RIIAD1: variants seen among roughly 807,000 people sequenced by gnomAD.
RIIAD1 encodes RIIa domain-containing protein 1.
RIIAD1 carries 15 observed loss-of-function variants against 13.3 expected under a neutral mutation model. The observed-to-expected ratio is 1.13, with a 90% CI of 0.76 to 1.74. The LOEUF is 1.74. RIIAD1 is among the 40% of genes most tolerant of loss of function. RIIAD1 has a pLI of 0.00. For synonymous variants in RIIAD1, 50 were observed against 43.3 expected (o/e 1.16, Z -0.61); for missense variants, 121 against 112.2 (o/e 1.08, Z -0.35).
intron 3 of RIIAD1, chr1:151,728,315 G>A (rs1673868041): frequency 5.5e-6 from 1 of 182,632 alleles, no homozygotes; most frequent in African/African-American, 2.4e-5. Context: ...AGGCGTGATA[G>A]CTCAGAGACA....
intron 2 of RIIAD1, among the ~76,000 whole-genome samples, chr1:151,724,546 G>A (rs1673792867): frequency 6.6e-6 from 1 of 152,198 alleles, no homozygotes; most frequent in Non-Finnish European, 1.5e-5. Flanking sequence ...TACATTCCAA[G>A]CCAAAAGAAG....
In RIIAD1 at chr1:151,721,658, G is replaced by A. The variant is rs1673738130; in HGVS notation, c.84+38G>A. The A allele has an allele frequency of 3.3e-6, 4 of 1,219,436 alleles. No individual in the cohort carries two copies. In the African/African-American group the frequency reaches 4.7e-5, roughly 14 times the overall value. 75.5% of individuals were successfully genotyped at this position (1,219,436 alleles called of 1,614,324 possible). On this transcript the variant is annotated intron_variant, in intron 1 of 4. Transcript: ENST00000479191. Reference sequence around the variant, plus strand: ...GCGCCCCCATCCAGCGTCCACCAAAGTGTAGCTGCCCCAGGACTGGGGCCC... The same window carrying A: ...GCGCCCCCATCCAGCGTCCACCAAAATGTAGCTGCCCCAGGACTGGGGCCC...
upstream of RIIAD1, chr1:151,716,924 C>CTA: frequency 2.7e-6 from 1 of 372,182 alleles, no homozygotes; most frequent in Non-Finnish European, 5.8e-6. Context: ...CAGGCACGAG[C>CTA]CACGCCCTCT....
upstream of RIIAD1, among the ~76,000 whole-genome samples, chr1:151,719,061 C>T (rs1055558265): frequency 2.0e-5 from 3 of 152,204 alleles, no homozygotes; most frequent in Admixed American, 6.5e-5. Flanking sequence ...ACTCCCCTCA[C>T]TCCTCCTCCC....
upstream of RIIAD1, chr1:151,716,556 C>T: frequency 3.0e-6 from 1 of 337,516 alleles, no homozygotes. Context: ...TCCCCTGTGG[C>T]GGATCCTTCT....
chr1:151,729,067 C>T (rs1158428548), intron 4 of RIIAD1, among the ~76,000 whole-genome samples, 174 bp downstream of exon 4: 1 of 152,046 alleles, frequency 6.6e-6, no homozygotes, highest in Non-Finnish European at 1.5e-5. Flanking sequence ...GAAGAGAGGC[C>T]CAGGGTTGAT....
upstream of RIIAD1, among the ~76,000 whole-genome samples, chr1:151,721,338 A>G (rs1372343741): frequency 6.6e-6 from 1 of 152,218 alleles, no homozygotes; most frequent in Admixed American, 6.5e-5. Flanking sequence ...CATACAATTA[A>G]GTCCAGAAAT....
At chr1:151,720,124 TC>T (rs1673709779), upstream of RIIAD1, among the ~76,000 whole-genome samples, 5 of 152,356 alleles carry the variant, frequency 3.3e-5, no homozygotes, top group Admixed American at 2.0e-4. Context: ...GAGATTTTTT[TC>T]ATACCAAGCC....
intron 1 of RIIAD1, chr1:151,721,833 A>G: frequency 1.7e-6 from 1 of 582,606 alleles, no homozygotes; most frequent in East Asian, 2.8e-5. Context: ...GGAAGAACTA[A>G]CTCAGGGACT....
At chr1:151,712,090 G>T (rs750487117) in intron 2 of RIIAD1, 12 of 152,360 alleles carry the variant, frequency 7.9e-5, no homozygotes, top group South Asian at 6.2e-4. Flanking sequence ...CTTCCTGTGG[G>T]GAGCTCAGGC....
chr1:151,711,603 G>C (rs1405828925), intron 1 of RIIAD1, among the ~76,000 whole-genome samples: 1 of 152,246 alleles, frequency 6.6e-6, no homozygotes, highest in African/African-American at 2.4e-5. Flanking sequence ...GTGCGGGTGC[G>C]CATGCGCAAG....
At chr1:151,728,699 C>A in intron 3 of RIIAD1, 67 bp from the exon 4 acceptor site, 1 of 950,466 alleles carries the variant, frequency 1.1e-6, no homozygotes, top group Non-Finnish European at 1.7e-6. Flanking sequence ...AGTAAGCTGT[C>A]TCCTTCCATG....
At chr1:151,727,475 T>C in intron 2 of RIIAD1, 100 bp from the exon 3 acceptor site, 1 of 774,036 alleles carries the variant, frequency 1.3e-6, no homozygotes, top group Non-Finnish European at 2.3e-6. Flanking sequence ...AAGATGGTTG[T>C]GTCTCAGGTT....
At chr1:151,715,441 A>G (rs1673395470) in intron 4 of RIIAD1, among the ~76,000 whole-genome samples, 5 of 151,850 alleles carry the variant, frequency 3.3e-5, no homozygotes, top group Admixed American at 2.6e-4. Context: ...CACGCTTTCC[A>G]CATTGAACAC....
chr1:151,714,526 G>T, exon 4 of RIIAD1: 1 of 1,108,314 alleles, frequency 9.0e-7, no homozygotes, highest in Non-Finnish European at 1.3e-6. Context: ...GTGTCAGGAG[G>T]GTGGTGAGCC....
chr1:151,716,370 G>A, intron 4 of RIIAD1: 1 of 291,286 alleles, frequency 3.4e-6, no homozygotes, highest in Non-Finnish European at 6.6e-6. Context: ...GGCTTAGAGG[G>A]CTGGGAACTG....
chr1:151,727,428 G>T (rs1255956912), intron 2 of RIIAD1, 147 bp from the exon 3 acceptor site: 1 of 675,826 alleles, frequency 1.5e-6, no homozygotes, highest in Non-Finnish European at 2.7e-6. Flanking sequence ...ATGAATGAAA[G>T]GGTCTTTGTC....
exon 2 of RIIAD1, chr1:151,711,975 C>A (rs943967459): frequency 1.3e-5 from 2 of 152,296 alleles, no homozygotes; most frequent in African/African-American, 4.8e-5. Flanking sequence ...AGTGTACAGA[C>A]CACAGCAAGG....
chr1:151,716,155 G>A (rs1673464599), intron 4 of RIIAD1: 1 of 864,092 alleles, frequency 1.2e-6, no homozygotes. Flanking sequence ...CCCCAACCAC[G>A]CTGCTAAGCA....
Sources: allele counts gnomAD v4.1 joint callset (sites outside exome capture counted in the v4.1 genomes callset), GRCh38; gene constraint gnomAD v4.1.1; transcripts MANE v1.5; gene names NCBI Gene and HGNC (gene_info 2026-07-23, HGNC 2026-07-21).